Variants in AP2B1 observed in about 807,000 individuals in gnomAD.
AP2B1 encodes the protein adaptor related protein complex 2 subunit beta 1.
AP2B1 carries 23 observed loss-of-function variants against 102.0 expected under a neutral mutation model. That is an observed-to-expected ratio of 0.23 (90% confidence interval 0.16 to 0.32). The LOEUF (loss-of-function observed/expected upper bound fraction) is 0.32. AP2B1 is among the 10% of genes least tolerant of loss of function. AP2B1 has a pLI of 1.00. For synonymous variants in AP2B1, 381 were observed against 421.2 expected, an observed-to-expected ratio of 0.90 and a Z score of 1.17; for missense variants, 541 against 1,157.4, an observed-to-expected ratio of 0.47 and a Z score of 7.73.
intron 12 of AP2B1, among the ~76,000 whole-genome samples, chr17:35,644,813 C>A (rs1176759173): frequency 2.0e-5 from 3 of 152,114 alleles, no homozygotes; most frequent in Non-Finnish European, 4.4e-5. Flanking sequence ...GCGGGCGGAT[C>A]ACTTGAACTC....
chr17:35,588,212 C>G (rs1200098715), intron 1 of AP2B1, among the ~76,000 whole-genome samples: 3 of 110,880 alleles, frequency 2.7e-5, no homozygotes, highest in African/African-American at 3.7e-5. Context: ...TGCTTGTTTT[C>G]AAGAGTAGTC....
At chr17:35,675,260 A>G (rs1226679831) in intron 17 of AP2B1, among the ~76,000 whole-genome samples, 2 of 152,246 alleles carry the variant, frequency 1.3e-5, no homozygotes, top group Non-Finnish European at 2.9e-5. Context: ...ATGTCCATTC[A>G]TTTGTAAATA....
At chr17:35,682,912 C>T in intron 18 of AP2B1, 88 bp downstream of exon 18, 1 of 1,287,062 alleles carries the variant, frequency 7.8e-7, no homozygotes, top group South Asian at 1.4e-5. Flanking sequence ...CAGTCTTACT[C>T]TGTTGCCCAG....
At chr17:35,604,309 A>G (rs112948606) in intron 3 of AP2B1, among the ~76,000 whole-genome samples, 6,750 of 151,958 alleles carry the variant, frequency 0.044, 180 homozygotes, top group African/African-American at 0.07. Context: ...AGGTCTCACT[A>G]TGTTGCCCAG....
chr17:35,656,703 G>A (rs1018429623), intron 13 of AP2B1, among the ~76,000 whole-genome samples: 1 of 151,834 alleles, frequency 6.6e-6, no homozygotes, highest in Non-Finnish European at 1.5e-5. Flanking sequence ...AGACCACGGT[G>A]ATACCCCGTC....
At chr17:35,701,308 G>A (rs960163896) in intron 18 of AP2B1, among the ~76,000 whole-genome samples, 4 of 152,118 alleles carry the variant, frequency 2.6e-5, no homozygotes, top group Admixed American at 6.5e-5. Flanking sequence ...CTACCGGTTG[G>A]TCATGACCCA....
intron 18 of AP2B1, among the ~76,000 whole-genome samples, chr17:35,701,967 A>G (rs755382723): frequency 7.2e-5 from 11 of 152,254 alleles, no homozygotes; most frequent in Non-Finnish European, 1.3e-4. Context: ...AAGTGAGGTC[A>G]GAAACTTTGT....
chr17:35,596,969 T>C (rs2073307220), intron 2 of AP2B1: 2 of 675,132 alleles, frequency 3.0e-6, no homozygotes, highest in East Asian at 3.4e-5. Context: ...GAAAGCTGTC[T>C]CGTGCGCCTT....
chr17:35,624,490 CT>C lies in AP2B1; in HGVS notation c.620del (p.Leu207ArgfsTer2). The C allele has an allele frequency of 6.2e-7, 1 of 1,614,176 alleles. No homozygotes were observed. The highest frequency in any genetic ancestry group is 1.7e-5 in the Admixed American group (1 of 60,026). On this transcript the variant is annotated frameshift_variant, in exon 6 of 22. Coordinates refer to ENST00000610402, the MANE Select transcript of AP2B1 (RefSeq NM_001030006.2). LOFTEE classifies it high-confidence loss of function. ...LDLNPQNINK[L>X]LTALNECTEW... The stretch of plus-strand genomic sequence containing the variant: ...TCTGAACCCACAGAACATTAATAAG[CT>C]GCTGACAGCCCTGAATGAATGCACT...
chr17:35,599,691 G>A (rs957491982), intron 3 of AP2B1, among the ~76,000 whole-genome samples: 7 of 152,118 alleles, frequency 4.6e-5, no homozygotes, highest in African/African-American at 1.4e-4. Context: ...ATCACTTGAG[G>A]GCAGGAGTTC....
At chr17:35,682,635 T>G (rs181723763) in intron 17 of AP2B1, 60 bp from the exon 18 acceptor site, 1 of 1,540,580 alleles carries the variant, frequency 6.5e-7, no homozygotes, top group African/African-American at 1.4e-5. Flanking sequence ...TGAGCCACCA[T>G]GCCCAGCCTA....
chr17:35,686,687 G>A (rs973945792), intron 18 of AP2B1, among the ~76,000 whole-genome samples: 2 of 152,140 alleles, frequency 1.3e-5, no homozygotes, highest in African/African-American at 2.4e-5. Flanking sequence ...AAAACTGGCC[G>A]GGCATGGTGG....
Position 35,641,927 on chromosome 17 carries a change from A to G in AP2B1, c.1488A>G (p.Pro496=), listed in dbSNP as rs939247630. The change falls in exon 12 of 22, where the codon CCA becomes CCG. Residue 496 remains proline (P), a synonymous_variant. Transcript: ENST00000610402. The part of the protein sequence containing the change: ...TAIVKLFLKK[P]SETQELVQQV... ...TAGTGAAGCTGTTTCTCAAGAAACC[A>G]TCAGAAACACAGGAGCTAGTCCAGC... is the stretch of plus-strand genomic sequence containing the variant. The G allele has an allele frequency of 6.8e-5, 110 of 1,612,754 alleles. No individual in the cohort carries two copies. Among genetic ancestry groups the G allele is most frequent in the Non-Finnish European group, 8.7e-5 (102 of 1,178,986 alleles).
intron 14 of AP2B1, among the ~76,000 whole-genome samples, chr17:35,662,488 T>C (rs1034325267): frequency 6.6e-6 from 1 of 151,852 alleles, no homozygotes; most frequent in African/African-American, 2.4e-5. Flanking sequence ...CTTTTTTTGT[T>C]TCCTTTGGAA....
intron 1 of AP2B1, chr17:35,587,757 G>C (rs1239118076): frequency 6.6e-6 from 1 of 152,260 alleles, no homozygotes; most frequent in Non-Finnish European, 1.5e-5. Flanking sequence ...TGGAGGCCGT[G>C]GGGGGAACCG....
chr17:35,720,539 TTTTA>T lies in AP2B1; in HGVS notation c.2782-3080_2782-3077del, dbSNP rs1406730613. ...CCTTCCTTTGTCCCATATATTTTTA[TTTTA>T]TTTATATATATATATATATATATAT... On this transcript the variant is annotated intron_variant, in intron 21 of 21. Coordinates refer to ENST00000610402, the MANE Select transcript of AP2B1 (RefSeq NM_001030006.2). 5.9e-4 allele frequency among the ~76,000 whole-genome samples: 68 copies of T among 114,970 alleles called. 1 individual carries two copies. The highest frequency in any genetic ancestry group is 1.8e-3 in the African/African-American group (52 of 29,122). 75.4% of individuals were successfully genotyped at this position (114,970 alleles called of 152,430 possible).
intron 20 of AP2B1, among the ~76,000 whole-genome samples, chr17:35,712,661 A>G (rs1442559682): frequency 3.3e-5 from 5 of 152,242 alleles, no homozygotes; most frequent in African/African-American, 1.2e-4. Flanking sequence ...TAAAACAAAG[A>G]AAAAAAGCGT....
At chr17:35,707,107 C>A (rs1205209132) in intron 18 of AP2B1, among the ~76,000 whole-genome samples, 2 of 152,040 alleles carry the variant, frequency 1.3e-5, no homozygotes, top group African/African-American at 4.8e-5. Flanking sequence ...TGGCATCAAT[C>A]TTTGAAAGTA....
intron 4 of AP2B1, 72 bp downstream of exon 4, chr17:35,605,912 T>C (rs1436064325): frequency 1.6e-5 from 25 of 1,557,800 alleles, no homozygotes; most frequent in Admixed American, 1.4e-4. Context: ...AAGGAAGGAG[T>C]GTAGGGAAGT....
Sources: allele counts gnomAD v4.1 joint callset (sites outside exome capture counted in the v4.1 genomes callset), GRCh38; gene constraint gnomAD v4.1.1; transcripts MANE v1.5; gene names NCBI Gene and HGNC (gene_info 2026-07-23, HGNC 2026-07-21).